The following SRPK2 variants were observed in gnomAD, a reference collection of about 807,000 sequenced individuals.
SRPK2 encodes the protein SRSF protein kinase 2, also known as SFRS protein kinase 2.
SRPK2 carries 21 observed loss-of-function variants against 90.8 expected under a neutral mutation model. The ratio of observed to expected loss-of-function variants is 0.23; its 90% CI spans 0.16 to 0.33. The LOEUF (loss-of-function observed/expected upper bound fraction) is 0.33. Ranked by LOEUF, SRPK2 falls within the 10% of genes least tolerant of loss-of-function variation. The pLI is 1.00. For synonymous variants in SRPK2, 288 were observed against 311.1 expected (o/e 0.93, Z 0.78); for missense variants, 620 against 869.0 (o/e 0.71, Z 3.60).
chr7:105,199,520 G>A (rs1266369817), intron 3 of SRPK2, among the ~76,000 whole-genome samples: 2 of 152,182 alleles, frequency 1.3e-5, no homozygotes, highest in South Asian at 2.1e-4. Context: ...AACAAAGGAT[G>A]TCAGAGCATG....
intron 11 of SRPK2, among the ~76,000 whole-genome samples, chr7:105,133,368 G>C (rs975925274): frequency 2.0e-5 from 3 of 152,112 alleles, no homozygotes; most frequent in Non-Finnish European, 4.4e-5. Flanking sequence ...CAGTTTCTTC[G>C]GGTCCAGGTC....
intron 2 of SRPK2, among the ~76,000 whole-genome samples, chr7:105,366,809 CT>C (rs1189604880): frequency 6.6e-6 from 1 of 152,142 alleles, no homozygotes; most frequent in Admixed American, 6.6e-5. Flanking sequence ...ATTTCCTTTC[CT>C]TTTTTTCACT....
At position 105,255,768 on chromosome 7, in the gene SRPK2, C is replaced by A. The variant is rs570516548; in HGVS notation, c.72-51983G>T. On this transcript the variant is annotated intron_variant, in intron 2 of 15. Coordinates refer to ENST00000393651, the MANE Select transcript of SRPK2 (RefSeq NM_182692.3). Reference sequence around the variant, plus strand: ...CCAACATGGTGAAACCCTTTCTCTACTAAAAATACAAAAATTAGCTGGACG... The same window carrying A: ...CCAACATGGTGAAACCCTTTCTCTAATAAAAATACAAAAATTAGCTGGACG... Among the ~76,000 whole-genome samples the A allele has an allele frequency of 5.9e-5, 9 of 152,172 alleles. No homozygotes were observed. In the East Asian group the frequency reaches 1.7e-3, roughly 29 times the overall value.
chr7:105,385,009 TG>T (rs796378970), intron 2 of SRPK2, among the ~76,000 whole-genome samples: 2 of 149,898 alleles, frequency 1.3e-5, no homozygotes, highest in Admixed American at 6.7e-5. Flanking sequence ...CCCGAGTAGC[TG>T]GGACTACAGG....
upstream of SRPK2, among the ~76,000 whole-genome samples, chr7:105,392,396 G>C (rs142949306): frequency 4.6e-5 from 7 of 152,314 alleles, no homozygotes; most frequent in Non-Finnish European, 7.3e-5. Context: ...CTTGTGTGGG[G>C]TGATACTTTG....
chr7:105,287,338 A>T (rs574643561), intron 2 of SRPK2, among the ~76,000 whole-genome samples: 23 of 151,584 alleles, frequency 1.5e-4, no homozygotes, highest in African/African-American at 5.3e-4. Context: ...CCAAAACATA[A>T]CTCTCACAAA....
At chr7:105,293,105 T>C (rs576098290) in intron 2 of SRPK2, among the ~76,000 whole-genome samples, 6 of 151,968 alleles carry the variant, frequency 3.9e-5, no homozygotes, top group Non-Finnish European at 5.9e-5. Flanking sequence ...CGAGACCAGC[T>C]TGGCAAACAT....
At chr7:105,181,281 G>T (rs958237023) in intron 3 of SRPK2, among the ~76,000 whole-genome samples, 1 of 152,218 alleles carries the variant, frequency 6.6e-6, no homozygotes, top group African/African-American at 2.4e-5. Context: ...GTGTAAATTA[G>T]TTCAGCCATT....
chr7:105,190,815 C>G (rs1794190139), intron 3 of SRPK2, among the ~76,000 whole-genome samples: 1 of 152,160 alleles, frequency 6.6e-6, no homozygotes, highest in Admixed American at 6.5e-5. Context: ...TATTTCTAAC[C>G]ACCTTCTTGA....
At chr7:105,301,219 G>A (rs566169319) in intron 2 of SRPK2, among the ~76,000 whole-genome samples, 8 of 151,720 alleles carry the variant, frequency 5.3e-5, no homozygotes, top group East Asian at 3.9e-4. Flanking sequence ...CGAGGCAGGC[G>A]GATCATGAGG....
intron 2 of SRPK2, among the ~76,000 whole-genome samples, chr7:105,267,494 A>C (rs1805254647): frequency 6.6e-6 from 1 of 152,184 alleles, no homozygotes; most frequent in Admixed American, 6.5e-5. Context: ...TCATCTCAGC[A>C]AACAGAATGC....
At chr7:105,377,112 T>C (rs1820400025) in intron 2 of SRPK2, among the ~76,000 whole-genome samples, 2 of 152,178 alleles carry the variant, frequency 1.3e-5, no homozygotes, top group South Asian at 4.1e-4. Flanking sequence ...ACTTGAATTT[T>C]ATCTGCAGAC....
At chr7:105,149,982 GTCCTCATA>G (rs1421258118) in intron 7 of SRPK2, among the ~76,000 whole-genome samples, 2 of 151,936 alleles carry the variant, frequency 1.3e-5, no homozygotes, top group African/African-American at 4.8e-5. Context: ...GTTGCTTACA[GTCCTCATA>G]TCCTCACAGA....
intron 2 of SRPK2, among the ~76,000 whole-genome samples, chr7:105,240,166 C>T (rs1044834050): frequency 6.6e-6 from 1 of 152,254 alleles, no homozygotes; most frequent in African/African-American, 2.4e-5. Flanking sequence ...GGTTTCCTAG[C>T]TCACAGGTGG....
chr7:105,361,635 C>T (rs1585887028), intron 2 of SRPK2, among the ~76,000 whole-genome samples: 1 of 152,126 alleles, frequency 6.6e-6, no homozygotes, highest in Non-Finnish European at 1.5e-5. Flanking sequence ...ATATATAGAT[C>T]AATGGAACAG....
At chr7:105,199,257 T>G (rs1465411381) in intron 3 of SRPK2, among the ~76,000 whole-genome samples, 1 of 152,194 alleles carries the variant, frequency 6.6e-6, no homozygotes, top group African/African-American at 2.4e-5. Flanking sequence ...GATGAACAAA[T>G]TTTATTTTTA....
intron 2 of SRPK2, among the ~76,000 whole-genome samples, chr7:105,207,442 A>C (rs1017485958): frequency 6.6e-6 from 1 of 152,248 alleles, no homozygotes; most frequent in Non-Finnish European, 1.5e-5. Context: ...CAGATTAAAA[A>C]AAACAACTTT....
chr7:105,349,185 G>C (rs1281581954), intron 2 of SRPK2, among the ~76,000 whole-genome samples: 2 of 132,918 alleles, frequency 1.5e-5, no homozygotes, highest in South Asian at 5.3e-4. Context: ...GGAGGGGAGG[G>C]GATGGAGGGG....
intron 2 of SRPK2, among the ~76,000 whole-genome samples, chr7:105,375,021 G>A (rs1820127056): frequency 6.6e-6 from 1 of 152,064 alleles, no homozygotes; most frequent in African/African-American, 2.4e-5. Flanking sequence ...AAGGCCAGAA[G>A]GAAATATAAC....
Sources: allele counts gnomAD v4.1 joint callset (sites outside exome capture counted in the v4.1 genomes callset), GRCh38; gene constraint gnomAD v4.1.1; transcripts MANE v1.5; gene names NCBI Gene and HGNC (gene_info 2026-07-23, HGNC 2026-07-21).